Variants in PDCD6IP observed in about 807,000 individuals in gnomAD.
PDCD6IP encodes the protein programmed cell death 6 interacting protein.
A neutral mutation model predicts 103.7 loss-of-function variants in PDCD6IP; 43 were observed. The observed-to-expected ratio is 0.41, with a 90% CI of 0.32 to 0.53. PDCD6IP has a LOEUF of 0.53. Ranked by LOEUF, PDCD6IP falls within the 20% of genes least tolerant of loss-of-function variation. The probability of loss-of-function intolerance (pLI) is 0.16; values close to 1 mark genes in which losing one functional copy is unlikely to be tolerated. For missense variants in PDCD6IP, 871 were observed against 1,036.7 expected (o/e 0.84, Z 2.20); for synonymous variants, 354 against 378.7 (o/e 0.93, Z 0.76).
chr3:33,820,320 C>A (rs1040908374), intron 3 of PDCD6IP, among the ~76,000 whole-genome samples: 1 of 151,942 alleles, frequency 6.6e-6, no homozygotes, highest in Non-Finnish European at 1.5e-5. Context: ...ATTCTTCCCT[C>A]CCCCCTCAAC....
At chr3:33,809,124 A>G (rs761036687) in intron 1 of PDCD6IP, among the ~76,000 whole-genome samples, 6 of 151,974 alleles carry the variant, frequency 3.9e-5, no homozygotes, top group Middle Eastern at 3.4e-3. Flanking sequence ...TCATATATTC[A>G]CTTTATTCCT....
At chr3:33,836,522 A>G (rs930134627) in intron 8 of PDCD6IP, among the ~76,000 whole-genome samples, 1 of 152,160 alleles carries the variant, frequency 6.6e-6, no homozygotes, top group Non-Finnish European at 1.5e-5. Flanking sequence ...AGCACTTGTC[A>G]TTTTGTTAAC....
chr3:33,859,656 A>G (rs759376194), intron 15 of PDCD6IP, among the ~76,000 whole-genome samples: 2 of 152,220 alleles, frequency 1.3e-5, no homozygotes, highest in Non-Finnish European at 2.9e-5. Flanking sequence ...GATTGGCAAG[A>G]ATCTGAAAGT....
Position 33,855,276 on chromosome 3 carries a change from G to GT in PDCD6IP, c.2120+17dup. On this transcript the variant is annotated intron_variant, in intron 15 of 17. Transcript: ENST00000307296. ...AACTCTTAAAGTAAGTCTGTTTTGTGTACCAAATTGTACTTAAAGAATTTT... is the reference window on the plus strand; with the variant it reads ...AACTCTTAAAGTAAGTCTGTTTTGTGTTACCAAATTGTACTTAAAGAATTTT... 7.2e-7 allele frequency: 1 copy of GT among 1,387,170 alleles called. No individual in the cohort carries two copies. The highest frequency in any genetic ancestry group is 2.3e-5 in the East Asian group (1 of 43,686). The allele number at this position is 1,387,170 out of a possible 1,614,324, so 85.9% of individuals were successfully genotyped here.
chr3:33,847,937 C>T (rs1173994355), intron 12 of PDCD6IP, among the ~76,000 whole-genome samples: 1 of 151,870 alleles, frequency 6.6e-6, no homozygotes, highest in Non-Finnish European at 1.5e-5. Flanking sequence ...TTCAGTTATA[C>T]TCAAAGTGTT....
At chr3:33,865,459 T>G (rs754484760) in intron 17 of PDCD6IP, 29 bp downstream of exon 17, 4 of 1,548,762 alleles carry the variant, frequency 2.6e-6, no homozygotes, top group Non-Finnish European at 3.5e-6. Context: ...GTATCCCAAG[T>G]TGGCTAATGT....
rs1698113735 is a variant in PDCD6IP at position 33,868,434 on chromosome 3, A to C, written c.*1909A>C. On this transcript the variant is annotated 3_prime_UTR_variant, in exon 18 of 18. Coordinates refer to ENST00000307296, the MANE Select transcript of PDCD6IP (RefSeq NM_013374.6). ...TTCCCCATGCTGGGCCTGCTCACAGAGCCACAGGAAGATCATTCAGAAACT... is the reference window on the plus strand; with the variant it reads ...TTCCCCATGCTGGGCCTGCTCACAGCGCCACAGGAAGATCATTCAGAAACT... 1 of 152,552 alleles carries C rather than the reference A, an allele frequency of 6.6e-6. No individual in the cohort carries two copies. The highest frequency in any genetic ancestry group is 1.5e-5 in the Non-Finnish European group (1 of 68,092). 9.4% of individuals were successfully genotyped at this position (152,552 alleles called of 1,614,324 possible).
intron 4 of PDCD6IP, among the ~76,000 whole-genome samples, chr3:33,822,313 C>T (rs1697011255): frequency 6.6e-6 from 1 of 152,104 alleles, no homozygotes; most frequent in Admixed American, 6.5e-5. Context: ...GTGCCTGGCA[C>T]ATAATAGAGG....
chr3:33,837,207 A>G (rs1452291031), intron 8 of PDCD6IP, among the ~76,000 whole-genome samples: 1 of 152,162 alleles, frequency 6.6e-6, no homozygotes, highest in Non-Finnish European at 1.5e-5. Flanking sequence ...GGCATGAGCC[A>G]CCGTGCCCGG....
rs772285873 is a variant in PDCD6IP, at chr3:33,864,039, T to C, written c.2154T>C (p.Ser718=). ...DLQQSIAREP[S]APSIPTPAYQ... ...AACAAAGCATTGCCAGAGAACCTAG[T>C]GCTCCTTCAATTCCTACACCTGCGT... is the stretch of plus-strand genomic sequence containing the variant. The change falls in exon 16 of 18, where the codon AGT becomes AGC. Residue 718 remains serine (S), a synonymous_variant. Transcript: ENST00000307296. 2 of 1,614,038 alleles carry C rather than the reference T, an allele frequency of 1.2e-6. No homozygotes were observed. The highest frequency in any genetic ancestry group is 3.3e-5 in the Admixed American group (2 of 60,016).
intron 15 of PDCD6IP, among the ~76,000 whole-genome samples, chr3:33,856,784 C>G (rs1697839423): frequency 6.6e-6 from 1 of 151,950 alleles, no homozygotes; most frequent in Non-Finnish European, 1.5e-5. Flanking sequence ...GCTCTGTATG[C>G]CAGAAGAGAG....
intron 12 of PDCD6IP, among the ~76,000 whole-genome samples, chr3:33,847,972 G>A (rs1697629916): frequency 6.6e-6 from 1 of 150,652 alleles, no homozygotes; most frequent in Admixed American, 6.6e-5. Context: ...TAATGGAGGG[G>A]GTACCTTTAA....
intron 3 of PDCD6IP, among the ~76,000 whole-genome samples, chr3:33,820,324 C>A (rs950049283): frequency 6.6e-6 from 1 of 152,062 alleles, no homozygotes; most frequent in Admixed American, 6.6e-5. Context: ...TTCCCTCCCC[C>A]CTCAACCCTT....
At chr3:33,804,257 G>C (rs1255254529) in intron 1 of PDCD6IP, among the ~76,000 whole-genome samples, 1 of 152,154 alleles carries the variant, frequency 6.6e-6, no homozygotes, top group Non-Finnish European at 1.5e-5. Flanking sequence ...TGAATCTCAG[G>C]TTCCGCACAG....
At chr3:33,861,284 C>T (rs1360362614) in intron 15 of PDCD6IP, among the ~76,000 whole-genome samples, 2 of 151,984 alleles carry the variant, frequency 1.3e-5, no homozygotes, top group Non-Finnish European at 2.9e-5. Flanking sequence ...GCTGGGATTA[C>T]AAGCGCCCAC....
In PDCD6IP at chr3:33,798,830, A is replaced by C; in HGVS notation, c.102A>C (p.Glu34Asp). 1 of 1,560,178 alleles carries C rather than the reference A, an allele frequency of 6.4e-7. No individual in the cohort carries two copies. The highest frequency in any genetic ancestry group is 8.7e-7 in the Non-Finnish European group (1 of 1,152,260). The change falls in exon 1 of 18, where the codon GAA becomes GAC. Residue 34 changes from glutamate to aspartate, a missense_variant. By Grantham distance (45) the Glu-to-Asp change is conservative (BLOSUM62 2). This residue lies in a region of PDCD6IP where 114 missense variants were observed against 106.7 expected (regional missense o/e 1.07). Transcript: ENST00000307296. ...AGCAGACTTACCCAAGCGGCGGGGA[A>C]GAGCAGGCCCAGTACTGCCGCGCGG... The part of the protein sequence containing the change: ...FIQQTYPSGG[E>D]EQAQYCRAAE...
intron 7 of PDCD6IP, among the ~76,000 whole-genome samples, chr3:33,831,509 TTGTA>T (rs2125560073): frequency 1.3e-5 from 2 of 152,262 alleles, no homozygotes; most frequent in South Asian, 4.1e-4. Context: ...AATTATGTGT[TTGTA>T]TGGGAAAGGA....
At chr3:33,842,142 G>A (rs569086697) in intron 10 of PDCD6IP, 68 bp downstream of exon 10, 3 of 959,500 alleles carry the variant, frequency 3.1e-6, no homozygotes, top group Non-Finnish European at 3.2e-6. Flanking sequence ...CAGGGATTGG[G>A]ACTGGAGACT....
At chr3:33,837,848 A>G (rs1697384312) in intron 8 of PDCD6IP, among the ~76,000 whole-genome samples, 1 of 152,186 alleles carries the variant, frequency 6.6e-6, no homozygotes, top group Admixed American at 6.5e-5. Flanking sequence ...TCGGCCTCCC[A>G]AAGTGCTGGG....
Sources: gnomAD v4.1 joint callset for allele counts (sites outside exome capture counted in the v4.1 genomes callset) on GRCh38, gnomAD v4.1.1 for gene constraint, gnomAD v4.1.1 regional missense constraint, MANE v1.5 for transcripts, NCBI Gene and HGNC (gene_info 2026-07-23, HGNC 2026-07-21) for gene names.